Variants in TOMM40 observed in about 807,000 individuals in gnomAD.
TOMM40 encodes the protein translocase of outer mitochondrial membrane 40.
In TOMM40, 9 loss-of-function variants were observed where a neutral mutation model predicts 38.4. The ratio of observed to expected loss-of-function variants is 0.23; its 90% CI spans 0.14 to 0.41. The LOEUF is 0.41. Among genes scored for constraint, TOMM40 ranks in the 10% least tolerant of loss-of-function variants. TOMM40 has a pLI of 1.00. For missense variants in TOMM40, 299 were observed against 486.5 expected (o/e 0.61, Z 3.63); for synonymous variants, 184 against 210.0 (o/e 0.88, Z 1.07).
chr19:44,891,415 C>A lies in TOMM40; in HGVS notation c.-1C>A. On this transcript the variant is annotated 5_prime_UTR_variant, in exon 1 of 9. Coordinates refer to ENST00000426677, the MANE Select transcript of TOMM40 (RefSeq NM_001128917.2). Reference sequence around the variant, plus strand: ...TCTGACCTCTCCCCTAGCAGGCGACCATGGGGAACGTGTTGGCTGCCAGCT... The same window carrying A: ...TCTGACCTCTCCCCTAGCAGGCGACAATGGGGAACGTGTTGGCTGCCAGCT... 1 of 1,289,372 alleles carries A rather than the reference C, an allele frequency of 7.8e-7. No individual in the cohort carries two copies. The highest frequency in any genetic ancestry group is 9.8e-7 in the Non-Finnish European group (1 of 1,022,540). 79.9% of individuals were successfully genotyped at this position (1,289,372 alleles called of 1,614,324 possible).
intron 4 of TOMM40, 33 bp from the exon 5 acceptor site, chr19:44,893,928 G>T: frequency 6.2e-7 from 1 of 1,603,106 alleles, no homozygotes; most frequent in Non-Finnish European, 8.5e-7. Context: ...ACCGTGAGCA[G>T]GGAGCCGCCC....
chr19:44,898,820 G>A (rs1969620865), intron 5 of TOMM40, among the ~76,000 whole-genome samples: 1 of 151,760 alleles, frequency 6.6e-6, no homozygotes, highest in African/African-American at 2.4e-5. Context: ...TTACAGGTGT[G>A]AGCCACCGTG....
rs868427521 is a variant in TOMM40, at chr19:44,903,457, G to A, written c.*288G>A. ...CAGGATTCTGAGCACCAGGGGCAGA[G>A]GCGGCCAGACAACCTCAGGGAGGAG... On this transcript the variant is annotated 3_prime_UTR_variant, in exon 9 of 9. Transcript: ENST00000426677. 2 of 335,414 alleles carry A rather than the reference G, an allele frequency of 6.0e-6. No homozygotes were observed. Among genetic ancestry groups the A allele is most frequent in the East Asian group, 1.5e-4 (2 of 13,370 alleles). The allele number at this position is 335,414 out of a possible 1,614,324, so 20.8% of individuals were successfully genotyped here.
In TOMM40 at chr19:44,903,240, G is replaced by A. The variant is rs1228103201; in HGVS notation, c.*71G>A. 1 of 1,495,584 alleles carries A rather than the reference G, an allele frequency of 6.7e-7. No homozygotes were observed. The highest frequency in any genetic ancestry group is 2.4e-5 in the East Asian group (1 of 41,924). The allele number at this position is 1,495,584 out of a possible 1,614,324, so 92.6% of individuals were successfully genotyped here. On this transcript the variant is annotated 3_prime_UTR_variant, in exon 9 of 9. Coordinates refer to ENST00000426677, the MANE Select transcript of TOMM40 (RefSeq NM_001128917.2). ...CCTCCACCTCCCCCTGCCACAGAGGGGAGACCTGAGCCCCCCTCCCTTCCC... is the reference window on the plus strand; with the variant it reads ...CCTCCACCTCCCCCTGCCACAGAGGAGAGACCTGAGCCCCCCTCCCTTCCC...
chr19:44,895,031 T>C (rs1020296360), intron 5 of TOMM40, among the ~76,000 whole-genome samples: 1 of 152,022 alleles, frequency 6.6e-6, no homozygotes. Flanking sequence ...GACTCTGTAG[T>C]TTTTGGCTGG....
chr19:44,898,004 C>A (rs912686846), intron 5 of TOMM40, among the ~76,000 whole-genome samples: 1 of 152,240 alleles, frequency 6.6e-6, no homozygotes, highest in East Asian at 1.9e-4. Context: ...GTCACACAGT[C>A]GCTTGCCCGA....
At position 44,902,937 on chromosome 19, in the gene TOMM40, T is replaced by C. The variant is rs573598771; in HGVS notation, c.947-93T>C. The C allele has an allele frequency of 4.0e-6, 6 of 1,508,660 alleles. No homozygotes were observed. In the African/African-American group the frequency reaches 5.6e-5, roughly 14 times the overall value. The allele number at this position is 1,508,660 out of a possible 1,614,324, so 93.5% of individuals were successfully genotyped here. A position where few individuals can be genotyped will look rare whatever the true frequency, so the allele number is the denominator to read the frequency against. On this transcript the variant is annotated intron_variant, in intron 8 of 8. Transcript: ENST00000426677. ...GCAGTGTGGTTAAAGGTCTGGAAGC[T>C]GTCGGCATGTGGCTGGTATCCAAGG...
chr19:44,897,639 T>TGGCACATGCGTGTA, intron 5 of TOMM40, among the ~76,000 whole-genome samples: 1 of 151,784 alleles, frequency 6.6e-6, no homozygotes, highest in Non-Finnish European at 1.5e-5. Flanking sequence ...TTTTGCGTCG[T>TGGCACATGCGTGTA]GGCACATGCG....
chr19:44,901,478 C>T (rs1317747431), intron 8 of TOMM40, 168 bp downstream of exon 8: 11 of 1,459,624 alleles, frequency 7.5e-6, no homozygotes, highest in Non-Finnish European at 9.9e-6. Context: ...TGCGGTGGCT[C>T]ACGCCTGTAA....
rs77301115 is a variant in TOMM40, at chr19:44,893,716, G to A, written c.436-64G>A. On this transcript the variant is annotated intron_variant, in intron 3 of 8. Transcript: ENST00000426677. ...TTTCTGACCCTAGGCTTCTCACCCC[G>A]GCCCATCTCACATACTTGCACAGTG... 0.025 allele frequency: 34,641 copies of A among 1,382,858 alleles called. 484 individuals are homozygous for A. The highest frequency in any genetic ancestry group is 0.045 in the African/African-American group (3,091 of 68,582). 85.7% of individuals were successfully genotyped at this position (1,382,858 alleles called of 1,614,324 possible). A position where few individuals can be genotyped will look rare whatever the true frequency, so the allele number is the denominator to read the frequency against.
chr19:44,894,951 A>G (rs1969538158), intron 5 of TOMM40, among the ~76,000 whole-genome samples: 1 of 152,064 alleles, frequency 6.6e-6, no homozygotes, highest in Non-Finnish European at 1.5e-5. Context: ...GGACGGGGAG[A>G]GGAGGTTGGA....
chr19:44,899,791 C>CT (rs10524523), intron 5 of TOMM40, among the ~76,000 whole-genome samples: 1,479 of 90,798 alleles, frequency 0.016, 254 homozygotes, highest in Non-Finnish European at 0.024. Flanking sequence ...TTGCATCTGG[C>CT]TTTTTTTTTT....
intron 5 of TOMM40, among the ~76,000 whole-genome samples, chr19:44,900,403 AT>A (rs1231794215): frequency 1.3e-5 from 2 of 152,082 alleles, no homozygotes; most frequent in Non-Finnish European, 2.9e-5. Flanking sequence ...CCCTTGACAC[AT>A]TTTGTGAGCA....
intron 2 of TOMM40, 56 bp from the exon 3 acceptor site, chr19:44,892,781 C>A: frequency 6.9e-7 from 1 of 1,456,988 alleles, no homozygotes; most frequent in Non-Finnish European, 9.6e-7. Context: ...TCCTTGCCCT[C>A]TTCAGTGGGC....
intron 8 of TOMM40, 176 bp downstream of exon 8, chr19:44,901,486 T>TA (rs1302422183): frequency 6.9e-7 from 1 of 1,447,776 alleles, no homozygotes; most frequent in Non-Finnish European, 9.1e-7. Context: ...CTCACGCCTG[T>TA]AATCCCAGCA....
rs1025982498 is a variant in TOMM40 at position 44,893,945 on chromosome 19, C to T, written c.538-16C>T. On this transcript the variant is annotated splice_polypyrimidine_tract_variant and intron_variant, in intron 4 of 8. Coordinates refer to ENST00000426677, the MANE Select transcript of TOMM40 (RefSeq NM_001128917.2). ...CGTGAGCAGGGAGCCGCCCTCACAC[C>T]CCCTCCTCTCCACAGACCCAGCAGT... 14 of 1,590,464 alleles carry T rather than the reference C, an allele frequency of 8.8e-6. No homozygotes were observed. In the Admixed American group the frequency reaches 1.5e-4, roughly 18 times the overall value.
chr19:44,898,148 C>T (rs183423762), intron 5 of TOMM40, among the ~76,000 whole-genome samples: 1 of 152,068 alleles, frequency 6.6e-6, no homozygotes, highest in African/African-American at 2.4e-5. Flanking sequence ...TAACACTCAG[C>T]CCCTCTGAGA....
intron 2 of TOMM40, 144 bp from the exon 3 acceptor site, chr19:44,892,693 G>T (rs1048153606): frequency 5.1e-6 from 4 of 787,094 alleles, no homozygotes; most frequent in Non-Finnish European, 8.7e-6. Flanking sequence ...GGGCCTACCG[G>T]CAGCACCTCC....
At chr19:44,894,164 G>A in intron 5 of TOMM40, 98 bp downstream of exon 5, 1 of 889,818 alleles carries the variant, frequency 1.1e-6, no homozygotes, top group Non-Finnish European at 1.7e-6. Flanking sequence ...TGCCACTGGA[G>A]AAGTGGCTCA....
Sources: gnomAD v4.1 joint callset for allele counts (sites outside exome capture counted in the v4.1 genomes callset) on GRCh38, gnomAD v4.1.1 for gene constraint, MANE v1.5 for transcripts, NCBI Gene and HGNC (gene_info 2026-07-23, HGNC 2026-07-21) for gene names.